Variants in TAFA2 observed in about 807,000 individuals in gnomAD.
TAFA2 encodes the protein chemokine-like protein TAFA-2.
In TAFA2, 7 loss-of-function variants were observed where a neutral mutation model predicts 18.8. That is an observed-to-expected ratio of 0.37 (90% CI 0.21 to 0.70). TAFA2 has a LOEUF of 0.70. Among genes scored for constraint, TAFA2 ranks in the 30% least tolerant of loss-of-function variants. The pLI, the probability that TAFA2 is intolerant of heterozygous loss-of-function variation, is 0.53. For missense variants in TAFA2, 122 were observed against 158.1 expected, an observed-to-expected ratio of 0.77 and a Z score of 1.23; for synonymous variants, 60 against 54.2, an observed-to-expected ratio of 1.11 and a Z score of -0.47.
intron 2 of TAFA2, among the ~76,000 whole-genome samples, chr12:61,866,101 T>A (rs759214659): frequency 1.3e-5 from 2 of 152,140 alleles, no homozygotes; most frequent in Non-Finnish European, 2.9e-5. Flanking sequence ...TGTGGATCAG[T>A]GTGCTGTATT....
chr12:61,923,263 G>A (rs749396066), intron 1 of TAFA2, among the ~76,000 whole-genome samples: 5 of 152,320 alleles, frequency 3.3e-5, no homozygotes, highest in Middle Eastern at 3.4e-3. Flanking sequence ...GCCTCCTCAA[G>A]TGAGTCCCTG....
intron 1 of TAFA2, among the ~76,000 whole-genome samples, chr12:61,890,660 A>G (rs999832699): frequency 2.0e-5 from 3 of 152,238 alleles, no homozygotes; most frequent in African/African-American, 7.2e-5. Flanking sequence ...TTAATCTGCC[A>G]TCTCTTCAGG....
chr12:61,885,605 T>A (rs1017190721), intron 1 of TAFA2, among the ~76,000 whole-genome samples: 2 of 152,196 alleles, frequency 1.3e-5, no homozygotes, highest in Non-Finnish European at 2.9e-5. Context: ...CCTTTGCTGT[T>A]TGCCTGATTC....
chr12:62,019,578 C>A (rs188094096), intron 1 of TAFA2, among the ~76,000 whole-genome samples: 196 of 150,888 alleles, frequency 1.3e-3, no homozygotes, highest in Non-Finnish European at 1.9e-3. Context: ...GGACAAAAAA[C>A]CAAACACCGC....
chr12:61,903,109 C>T (rs1876182103), intron 1 of TAFA2, among the ~76,000 whole-genome samples: 1 of 152,156 alleles, frequency 6.6e-6, no homozygotes, highest in South Asian at 2.1e-4. Context: ...ACATACAGGG[C>T]CACCATTTTC....
chr12:62,047,842 A>C (rs1037241740), intron 1 of TAFA2, among the ~76,000 whole-genome samples: 1 of 152,186 alleles, frequency 6.6e-6, no homozygotes, highest in Non-Finnish European at 1.5e-5. Context: ...AATGGAGGTT[A>C]AAAAGGAGAA....
At chr12:62,090,715 C>G (rs1868674562) in intron 1 of TAFA2, among the ~76,000 whole-genome samples, 1 of 150,056 alleles carries the variant, frequency 6.7e-6, no homozygotes, top group Non-Finnish European at 1.5e-5. Flanking sequence ...AATATTTTTT[C>G]TAAAGAATAT....
chr12:61,895,825 A>G lies in TAFA2; in HGVS notation c.-1-28399T>C, dbSNP rs564696276. 2.1e-4 allele frequency among the ~76,000 whole-genome samples: 32 copies of G among 152,264 alleles called. No individual in the cohort carries two copies. The South Asian group carries it at 6.4e-3, about 31-fold the overall frequency. On this transcript the variant is annotated intron_variant, in intron 1 of 4. Coordinates refer to ENST00000416284, the MANE Select transcript of TAFA2 (RefSeq NM_178539.5). ...AGTGAATGAAAAAATGAAGGCATCC[A>G]TGCCTAGGTACCCTAGTAAGAAGTA...
rs1555182352 is a variant in TAFA2 at position 61,997,191 on chromosome 12, G to GTGTGTGTA, written c.-1-129766_-1-129765insTACACACA. On this transcript the variant is annotated intron_variant, in intron 1 of 4. Transcript: ENST00000416284. Reference sequence around the variant, plus strand: ...TATGTGTGTGTGTGTGTGTGTGTGTGTATATATATATATATAACCCATTAA... The same window carrying GTGTGTGTA: ...TATGTGTGTGTGTGTGTGTGTGTGTGTGTGTGTATATATATATATATATAACCCATTAA... 4.0e-5 allele frequency among the ~76,000 whole-genome samples: 6 copies of GTGTGTGTA among 150,596 alleles called. No homozygotes were observed. The East Asian group carries it at 5.8e-4, about 15-fold the overall frequency.
intron 2 of TAFA2, among the ~76,000 whole-genome samples, chr12:61,820,358 T>C (rs1015410467): frequency 7.9e-5 from 12 of 152,036 alleles, no homozygotes; most frequent in African/African-American, 2.9e-4. Context: ...TAAATATAAG[T>C]TGATGTTCAC....
At chr12:61,914,889 A>G (rs349879) in intron 1 of TAFA2, among the ~76,000 whole-genome samples, 105,820 of 152,104 alleles carry the variant, frequency 0.7, 38,173 homozygotes, top group East Asian at 0.91. Context: ...TTGGCCGGGC[A>G]CAGTGGCTCC....
intron 1 of TAFA2, chr12:61,880,423 G>T: frequency 1.9e-6 from 1 of 539,408 alleles, no homozygotes; most frequent in South Asian, 1.4e-5. Context: ...AGCAGGACAT[G>T]GCACAGCAGC....
chr12:61,967,595 G>A (rs1879111994), intron 1 of TAFA2, among the ~76,000 whole-genome samples: 1 of 151,720 alleles, frequency 6.6e-6, no homozygotes, highest in Non-Finnish European at 1.5e-5. Flanking sequence ...CTATAATAAT[G>A]CAAGGTGCTG....
At chr12:62,147,332 A>G (rs994947494) in intron 1 of TAFA2, among the ~76,000 whole-genome samples, 10,938 of 53,092 alleles carry the variant, frequency 0.21, 856 homozygotes, top group Middle Eastern at 0.3. Flanking sequence ...GTATGTATAT[A>G]TATATATATA....
chr12:61,715,566 A>T (rs1869617418), intron 4 of TAFA2, among the ~76,000 whole-genome samples: 1 of 151,706 alleles, frequency 6.6e-6, no homozygotes, highest in South Asian at 2.1e-4. Context: ...GTTAGCCAGG[A>T]TGGTCTCAAT....
Position 61,763,206 on chromosome 12 carries a change from T to A in TAFA2, c.107-8182A>T, listed in dbSNP as rs530102054. 1.4e-3 allele frequency among the ~76,000 whole-genome samples: 210 copies of A among 152,194 alleles called. 4 individuals carry two copies. Among genetic ancestry groups the A allele is most frequent in the African/African-American group, 4.9e-3 (203 of 41,544 alleles). On this transcript the variant is annotated intron_variant, in intron 2 of 4. Coordinates refer to ENST00000416284, the MANE Select transcript of TAFA2 (RefSeq NM_178539.5). Reference sequence around the variant, plus strand: ...TCAGGAGGAAACAACCAAGTGCCGATGACATGTTTACAAATTCTGTTTTTT... The same window carrying A: ...TCAGGAGGAAACAACCAAGTGCCGAAGACATGTTTACAAATTCTGTTTTTT...
chr12:62,123,812 A>ACACACACACACACACACACACC (rs1870329859), intron 1 of TAFA2, among the ~76,000 whole-genome samples: 3 of 147,768 alleles, frequency 2.0e-5, no homozygotes, highest in South Asian at 2.2e-4. Context: ...ACACACACAC[A>ACACACACACACACACACACACC]CCACCTTTTG....
chr12:62,152,080 T>G lies in TAFA2; in HGVS notation c.-2+39179A>C, dbSNP rs982830599. Among the ~76,000 whole-genome samples the G allele has an allele frequency of 2.6e-5, 4 of 152,178 alleles. No individual in the cohort carries two copies. The East Asian group carries it at 7.7e-4, about 29-fold the overall frequency. Reference sequence around the variant, plus strand: ...TGTAAAATACACAACAGAATGCTATTGCTTTGGGAAATGTGTAAGCATCCT... The same window carrying G: ...TGTAAAATACACAACAGAATGCTATGGCTTTGGGAAATGTGTAAGCATCCT... On this transcript the variant is annotated intron_variant, in intron 1 of 4. Coordinates refer to ENST00000416284, the MANE Select transcript of TAFA2 (RefSeq NM_178539.5).
intron 2 of TAFA2, among the ~76,000 whole-genome samples, chr12:61,839,373 T>C (rs911481187): frequency 6.6e-6 from 1 of 152,210 alleles, no homozygotes. Flanking sequence ...AGAACTACCA[T>C]TTGATCCAGC....
Sources: allele counts gnomAD v4.1 joint callset (sites outside exome capture counted in the v4.1 genomes callset), GRCh38; gene constraint gnomAD v4.1.1; transcripts MANE v1.5; gene names NCBI Gene and HGNC (gene_info 2026-07-23, HGNC 2026-07-21).